GRIA1: variants seen among roughly 807,000 people sequenced by gnomAD.
GRIA1 encodes glutamate receptor 1.
A neutral mutation model predicts 99.2 loss-of-function variants in GRIA1; 31 were observed. The observed-to-expected ratio is 0.31, with a 90% CI of 0.23 to 0.42. The LOEUF (loss-of-function observed/expected upper bound fraction) is 0.42, where lower values mean the gene tolerates loss of function less well. Among genes scored for constraint, GRIA1 ranks in the 10% least tolerant of loss-of-function variants. The pLI is 1.00. For synonymous variants in GRIA1, 438 were observed against 432.4 expected (o/e 1.01, Z -0.16); for missense variants, 782 against 1,157.5 (o/e 0.68, Z 4.71).
intron 2 of GRIA1, among the ~76,000 whole-genome samples, chr5:153,627,488 A>G (rs1767743229): frequency 6.6e-6 from 1 of 152,058 alleles, no homozygotes; most frequent in South Asian, 2.1e-4. Context: ...ATCTCCCCTC[A>G]CTTGAAAAAT....
intron 2 of GRIA1, among the ~76,000 whole-genome samples, chr5:153,536,314 A>G (rs954312140): frequency 1.3e-5 from 2 of 151,852 alleles, no homozygotes; most frequent in African/African-American, 2.4e-5. Context: ...CCAAGTTTAG[A>G]TCTAATCCCT....
intron 11 of GRIA1, among the ~76,000 whole-genome samples, chr5:153,748,858 T>C (rs528199801): frequency 6.6e-6 from 1 of 152,342 alleles, no homozygotes; most frequent in South Asian, 2.1e-4. Context: ...TTGAATTGGA[T>C]ACTTCAGGTC....
intron 5 of GRIA1, among the ~76,000 whole-genome samples, chr5:153,672,465 T>C (rs1252647618): frequency 6.6e-6 from 1 of 152,132 alleles, no homozygotes; most frequent in East Asian, 1.9e-4. Flanking sequence ...GCAGTCTAGC[T>C]GAGATCCAAA....
intron 2 of GRIA1, among the ~76,000 whole-genome samples, chr5:153,577,475 T>A (rs756923938): frequency 2.6e-5 from 4 of 152,182 alleles, no homozygotes; most frequent in Non-Finnish European, 5.9e-5. Context: ...TAAGATACTG[T>A]CCCCTTTTGT....
intron 11 of GRIA1, among the ~76,000 whole-genome samples, chr5:153,746,892 G>A (rs1210903583): frequency 6.6e-6 from 1 of 152,186 alleles, no homozygotes; most frequent in Non-Finnish European, 1.5e-5. Context: ...CTCGAGAAAG[G>A]AGGGTGGTGA....
At chr5:153,701,658 ACT>A (rs748012424) in intron 10 of GRIA1, among the ~76,000 whole-genome samples, 1 of 144,948 alleles carries the variant, frequency 6.9e-6, no homozygotes, top group Non-Finnish European at 1.5e-5. Flanking sequence ...TGTTCTGAAG[ACT>A]CTGTGATGGC....
At chr5:153,775,739 G>C (rs1764188695) in intron 13 of GRIA1, among the ~76,000 whole-genome samples, 2 of 144,704 alleles carry the variant, frequency 1.4e-5, no homozygotes, top group Admixed American at 7.0e-5. Context: ...TGCCATAAGA[G>C]AGCCAGAAAC....
intron 13 of GRIA1, among the ~76,000 whole-genome samples, chr5:153,772,556 G>A (rs894673438): frequency 2.6e-5 from 4 of 152,052 alleles, no homozygotes; most frequent in African/African-American, 7.2e-5. Flanking sequence ...AGTAATTATC[G>A]GAAAATTGAG....
intron 2 of GRIA1, among the ~76,000 whole-genome samples, chr5:153,601,579 A>C (rs1764966809): frequency 6.6e-6 from 1 of 152,226 alleles, no homozygotes; most frequent in Non-Finnish European, 1.5e-5. Context: ...AGAGCGGAAA[A>C]CACCTCTCTA....
At chr5:153,604,188 A>T (rs1319418859) in intron 2 of GRIA1, among the ~76,000 whole-genome samples, 1 of 152,100 alleles carries the variant, frequency 6.6e-6, no homozygotes, top group Non-Finnish European at 1.5e-5. Flanking sequence ...GAGAAAGAGA[A>T]TTTCACCTGT....
In GRIA1 at chr5:153,813,739, G is replaced by A. The variant is rs1429065986; in HGVS notation, c.*2514G>A. On this transcript the variant is annotated 3_prime_UTR_variant, in exon 16 of 16. Coordinates refer to ENST00000285900, the MANE Select transcript of GRIA1 (RefSeq NM_000827.4). ...TAACTCTCTTGGCAGATGTGTGAAA[G>A]GATTCTTGCTTGATCAAACACTAAG... 1 of 152,138 alleles carries A rather than the reference G, an allele frequency of 6.6e-6. No individual in the cohort carries two copies. Among genetic ancestry groups the A allele is most frequent in the Non-Finnish European group, 1.5e-5 (1 of 68,024 alleles). The allele number at this position is 152,138 out of a possible 1,614,324, so 9.4% of individuals were successfully genotyped here. A position where few individuals can be genotyped will look rare whatever the true frequency, so the allele number is the denominator to read the frequency against.
chr5:153,497,086 T>C (rs1175297229), intron 2 of GRIA1, among the ~76,000 whole-genome samples: 1 of 152,150 alleles, frequency 6.6e-6, no homozygotes. Flanking sequence ...AAGAGGACTA[T>C]GGCTACTACT....
intron 8 of GRIA1, among the ~76,000 whole-genome samples, chr5:153,689,850 C>T (rs982145057): frequency 1.3e-5 from 2 of 152,208 alleles, no homozygotes; most frequent in Non-Finnish European, 2.9e-5. Flanking sequence ...CATCAATTGA[C>T]AAACTGTCCT....
At chr5:153,607,247 T>C (rs1217033304) in intron 2 of GRIA1, among the ~76,000 whole-genome samples, 1 of 151,694 alleles carries the variant, frequency 6.6e-6, no homozygotes, top group African/African-American at 2.4e-5. Context: ...ATTGGTGGAT[T>C]TTTTGCTTGG....
chr5:153,562,450 G>T (rs980212696), intron 2 of GRIA1, among the ~76,000 whole-genome samples: 4 of 152,140 alleles, frequency 2.6e-5, no homozygotes, highest in African/African-American at 9.7e-5. Context: ...TTTATGGAAT[G>T]CTCAAGACTT....
intron 14 of GRIA1, chr5:153,795,733 G>T: frequency 1.8e-6 from 1 of 547,928 alleles, no homozygotes; most frequent in South Asian, 2.5e-5. Flanking sequence ...TCCAGGCAGG[G>T]TTAAAAAGTT....
chr5:153,683,247 C>G (rs1193667964), intron 7 of GRIA1, among the ~76,000 whole-genome samples: 1 of 152,210 alleles, frequency 6.6e-6, no homozygotes, highest in African/African-American at 2.4e-5. Context: ...CTGAGCCATT[C>G]TCTTGAACTC....
chr5:153,537,727 G>A (rs1318924158), intron 2 of GRIA1, among the ~76,000 whole-genome samples: 1 of 152,232 alleles, frequency 6.6e-6, no homozygotes, highest in East Asian at 1.9e-4. Flanking sequence ...CATTCAGCCA[G>A]TGAAGTTGCA....
intron 11 of GRIA1, among the ~76,000 whole-genome samples, chr5:153,723,632 C>T (rs978759153): frequency 6.6e-6 from 1 of 152,160 alleles, no homozygotes; most frequent in Non-Finnish European, 1.5e-5. Flanking sequence ...CACGGAGTCT[C>T]GCTGATTGCT....
Sources: gnomAD v4.1 joint callset for allele counts (sites outside exome capture counted in the v4.1 genomes callset) on GRCh38, gnomAD v4.1.1 for gene constraint, MANE v1.5 for transcripts, NCBI Gene and HGNC (gene_info 2026-07-23, HGNC 2026-07-21) for gene names.